GAPVD1: variants seen among roughly 807,000 people sequenced by gnomAD.
GAPVD1 encodes GTPase-activating protein and VPS9 domain-containing protein 1.
Under a neutral mutation model 155.5 loss-of-function variants are expected in GAPVD1, and 35 were observed. The ratio of observed to expected loss-of-function variants is 0.23; its 90% CI spans 0.17 to 0.30. The LOEUF is 0.30. Among genes scored for constraint, GAPVD1 ranks in the 10% least tolerant of loss-of-function variants. The probability of loss-of-function intolerance (pLI) is 1.00; values close to 1 mark genes in which losing one functional copy is unlikely to be tolerated. For synonymous variants in GAPVD1, 636 were observed against 619.7 expected (o/e 1.03, Z -0.39); for missense variants, 1,429 against 1,775.7 (o/e 0.80, Z 3.51).
intron 2 of GAPVD1, among the ~76,000 whole-genome samples, chr9:125,272,614 T>G (rs570292507): frequency 4.2e-4 from 64 of 152,358 alleles, no homozygotes; most frequent in African/African-American, 1.4e-3. Context: ...TTTGAAATTA[T>G]GAATTCCATA....
chr9:125,262,111 G>A (rs1031388006), intron 1 of GAPVD1, among the ~76,000 whole-genome samples, 152 bp downstream of exon 1: 1 of 152,022 alleles, frequency 6.6e-6, no homozygotes, highest in Admixed American at 6.6e-5. Flanking sequence ...GTCAGTGTCG[G>A]GCGAGGTGGG....
Position 125,299,076 on chromosome 9 carries a change from G to A in GAPVD1, c.155G>A (p.Arg52Lys). 1.2e-6 allele frequency: 2 copies of A among 1,600,864 alleles called. No homozygotes were observed. The highest frequency in any genetic ancestry group is 1.1e-5 in the South Asian group (1 of 88,094). Residue 52 changes from arginine (R) to lysine (K), a missense_variant, in exon 4 of 28, where the codon AGA (arginine) becomes AAA (lysine). Arg to Lys is a conservative substitution (Grantham distance 26). Coordinates refer to ENST00000297933, the MANE Select transcript of GAPVD1 (RefSeq NM_001282680.3). Reference sequence around the variant, plus strand: ...ACAGCATGGATTGCGAAGCAACAGAGAATCAATTTGGATCGGCTTATCATA... The same window carrying A: ...ACAGCATGGATTGCGAAGCAACAGAAAATCAATTTGGATCGGCTTATCATA... ...YRTAWIAKQQ[R>K]INLDRLIITS...
intron 2 of GAPVD1, among the ~76,000 whole-genome samples, chr9:125,273,485 G>A (rs999037465): frequency 5.5e-5 from 8 of 145,562 alleles, no homozygotes; most frequent in African/African-American, 2.0e-4. Context: ...AATTTTTATT[G>A]TTTTTCTTTT....
At chr9:125,325,241 G>T (rs1032692671) in intron 11 of GAPVD1, among the ~76,000 whole-genome samples, 1 of 146,834 alleles carries the variant, frequency 6.8e-6, no homozygotes, top group African/African-American at 2.5e-5. Context: ...AAAAAGATGG[G>T]CCGGGTGCGG....
At chr9:125,355,995 A>G (rs765342208) in intron 25 of GAPVD1, 138 bp downstream of exon 25, 5 of 628,134 alleles carry the variant, frequency 8.0e-6, no homozygotes, top group Non-Finnish European at 1.2e-5. Context: ...TTCACCTGTC[A>G]GAGTTACATG....
rs143511389 is a variant in GAPVD1, at chr9:125,362,624, C to T, written c.4261C>T (p.Leu1421=). The part of the protein sequence containing the change: ...VLIKANPPCL[L]STVQYISSFY... ...TCTCTAGGCAAATCCACCCTGTTTG[C>T]TGTCTACTGTGCAGTATATCAGTAG... Residue 1421 remains leucine (L), a synonymous_variant, in exon 28 of 28, where the codon CTG becomes TTG. Coordinates refer to ENST00000297933, the MANE Select transcript of GAPVD1 (RefSeq NM_001282680.3). 11 of 1,605,706 alleles carry T rather than the reference C, an allele frequency of 6.9e-6. No individual in the cohort carries two copies. The African/African-American group carries it at 1.2e-4, about 18-fold the overall frequency.
At chr9:125,338,953 G>A (rs1055454797) in intron 17 of GAPVD1, among the ~76,000 whole-genome samples, 15 of 149,264 alleles carry the variant, frequency 1.0e-4, no homozygotes, top group African/African-American at 3.7e-4. Context: ...GTGTGTGTGT[G>A]TGTGTATATA....
intron 3 of GAPVD1, among the ~76,000 whole-genome samples, chr9:125,297,863 A>G (rs1176503816): frequency 6.6e-6 from 1 of 152,130 alleles, no homozygotes; most frequent in African/African-American, 2.4e-5. Context: ...CTCCTGCCTC[A>G]GCCTCCCGAG....
At chr9:125,339,002 G>C (rs1386627589) in intron 17 of GAPVD1, among the ~76,000 whole-genome samples, 1 of 151,268 alleles carries the variant, frequency 6.6e-6, no homozygotes, top group Non-Finnish European at 1.5e-5. Flanking sequence ...GTTTGTTTTA[G>C]ATAGGGTCTT....
In GAPVD1 at chr9:125,326,586, G is replaced by A. The variant is rs1845210512; in HGVS notation, c.2029G>A (p.Ala677Thr). The A allele has an allele frequency of 6.2e-7, 1 of 1,605,514 alleles. No homozygotes were observed. The stretch of plus-strand genomic sequence containing the variant: ...TGATGAAGATCGCTTGCAAGAAATT[G>A]CAGGTAACTGCCATTTAATGTCTCT... ...NIDEDRLQEI[A>T]GAAAENMLGS... Residue 677 changes from alanine (A) to threonine (T), a missense_variant, in exon 12 of 28, where the codon GCA becomes ACA. Ala to Thr is a moderately conservative substitution (Grantham distance 58). Transcript: ENST00000297933.
intron 19 of GAPVD1, 89 bp from the exon 20 acceptor site, chr9:125,346,730 C>A: frequency 2.0e-6 from 2 of 1,019,588 alleles, no homozygotes; most frequent in Non-Finnish European, 3.1e-6. Flanking sequence ...TCCTAATCTG[C>A]CTTTGGGATT....
At chr9:125,285,600 C>T (rs1338017453) in intron 2 of GAPVD1, among the ~76,000 whole-genome samples, 2 of 151,506 alleles carry the variant, frequency 1.3e-5, no homozygotes, top group Non-Finnish European at 2.9e-5. Context: ...GCTGGGATTA[C>T]AGGCATCCGC....
At position 125,346,953 on chromosome 9, in the gene GAPVD1, G is replaced by A. The variant is rs370318510; in HGVS notation, c.3169+12G>A. 8.7e-6 allele frequency: 14 copies of A among 1,612,384 alleles called. No individual in the cohort carries two copies. The African/African-American group carries it at 1.5e-4, about 17-fold the overall frequency. On this transcript the variant is annotated intron_variant, in intron 20 of 27. Transcript: ENST00000297933. ...CTATGAAAGTACAGGTGATAATCAT[G>A]ACAGAGATTTGAGTAGTAAACTTTT...
chr9:125,288,379 G>A (rs978979929), intron 2 of GAPVD1, among the ~76,000 whole-genome samples: 1 of 151,952 alleles, frequency 6.6e-6, no homozygotes, highest in African/African-American at 2.4e-5. Context: ...CAAAGTGCTG[G>A]GATTACAGGC....
chr9:125,350,206 T>G, intron 21 of GAPVD1, 89 bp from the exon 22 acceptor site: 1 of 761,364 alleles, frequency 1.3e-6, no homozygotes, highest in Non-Finnish European at 2.2e-6. Flanking sequence ...ATTTGAGTCC[T>G]AAGGTAACAT....
chr9:125,296,029 A>G (rs756801855), intron 3 of GAPVD1, among the ~76,000 whole-genome samples: 2 of 152,218 alleles, frequency 1.3e-5, no homozygotes, highest in Non-Finnish European at 1.5e-5. Flanking sequence ...TTTCTAACAT[A>G]CAAAAACCAT....
intron 17 of GAPVD1, 126 bp downstream of exon 17, chr9:125,337,717 T>C: frequency 2.1e-6 from 2 of 975,508 alleles, no homozygotes; most frequent in Non-Finnish European, 3.0e-6. Context: ...AAAGATGATT[T>C]GTCAATCTAT....
At chr9:125,338,929 TTGTGTGTG>T (rs144909106) in intron 17 of GAPVD1, among the ~76,000 whole-genome samples, 25 of 146,622 alleles carry the variant, frequency 1.7e-4, no homozygotes, top group African/African-American at 4.0e-4. Flanking sequence ...TTAAAAAAAT[TTGTGTGTG>T]TGTGTGTGTG....
chr9:125,287,037 T>A (rs993474099), intron 2 of GAPVD1, among the ~76,000 whole-genome samples: 7 of 152,068 alleles, frequency 4.6e-5, no homozygotes, highest in African/African-American at 1.7e-4. Flanking sequence ...TGAGCTGAGA[T>A]TGTGCCATTG....
Sources: allele counts gnomAD v4.1 joint callset (sites outside exome capture counted in the v4.1 genomes callset), GRCh38; gene constraint gnomAD v4.1.1; transcripts MANE v1.5; gene names NCBI Gene and HGNC (gene_info 2026-07-23, HGNC 2026-07-21).